The following FOXP1 variants were observed in gnomAD, a reference collection of about 807,000 sequenced individuals.
FOXP1 encodes the protein forkhead box P1, also known as forkhead box protein P1.
A neutral mutation model predicts 98.2 loss-of-function variants in FOXP1; 15 were observed. That is an observed-to-expected ratio of 0.15 (90% CI 0.10 to 0.24). The LOEUF (loss-of-function observed/expected upper bound fraction) is 0.24, where lower values mean the gene tolerates loss of function less well. Ranked by LOEUF, FOXP1 falls within the 10% of genes least tolerant of loss-of-function variation. The pLI is 1.00. For synonymous variants in FOXP1, 371 were observed against 314.5 expected, an observed-to-expected ratio of 1.18 and a Z score of -1.90; for missense variants, 633 against 848.5, an observed-to-expected ratio of 0.75 and a Z score of 3.15.
chr3:71,195,413 C>T (rs1156362074), intron 6 of FOXP1, among the ~76,000 whole-genome samples: 1 of 152,174 alleles, frequency 6.6e-6, no homozygotes, highest in South Asian at 2.1e-4. Flanking sequence ...CTCCCCGTAT[C>T]CTCAATGATG....
chr3:71,458,611 T>C (rs931020130), intron 3 of FOXP1, among the ~76,000 whole-genome samples: 4 of 152,204 alleles, frequency 2.6e-5, no homozygotes, highest in African/African-American at 9.7e-5. Flanking sequence ...TACCTATCCA[T>C]TTAGCAAATA....
At chr3:71,203,209 T>C (rs1056806229) in intron 5 of FOXP1, among the ~76,000 whole-genome samples, 13 of 152,220 alleles carry the variant, frequency 8.5e-5, no homozygotes, top group African/African-American at 3.1e-4. Context: ...CCATTTAATA[T>C]AACCCTACAA....
chr3:71,404,806 T>C (rs1341073656), intron 3 of FOXP1, among the ~76,000 whole-genome samples: 1 of 151,958 alleles, frequency 6.6e-6, no homozygotes, highest in Non-Finnish European at 1.5e-5. Flanking sequence ...CCTCACAAGG[T>C]TTTGAAAAGA....
At chr3:71,230,164 G>C (rs554641491) in intron 5 of FOXP1, among the ~76,000 whole-genome samples, 4 of 152,188 alleles carry the variant, frequency 2.6e-5, no homozygotes, top group Non-Finnish European at 5.9e-5. Context: ...ACAAAACCTT[G>C]CAAAGGCCGC....
chr3:71,576,491 T>G (rs1318661884), intron 2 of FOXP1, among the ~76,000 whole-genome samples: 1 of 152,232 alleles, frequency 6.6e-6, no homozygotes, highest in Non-Finnish European at 1.5e-5. Flanking sequence ...TTACAGGGCT[T>G]GACAGTACTT....
chr3:71,312,771 A>C (rs2074783741), intron 4 of FOXP1, among the ~76,000 whole-genome samples: 1 of 152,202 alleles, frequency 6.6e-6, no homozygotes, highest in African/African-American at 2.4e-5. Flanking sequence ...ATCACACTTG[A>C]GGTCAGGAGT....
intron 12 of FOXP1, among the ~76,000 whole-genome samples, chr3:71,010,282 TTAAGAA>T (rs1052103366): frequency 2.6e-5 from 4 of 152,100 alleles, no homozygotes; most frequent in African/African-American, 9.7e-5. Context: ...AATGCAGCAG[TTAAGAA>T]TAAGTCTTCT....
intron 3 of FOXP1, among the ~76,000 whole-genome samples, chr3:71,428,468 T>C (rs1019113252): frequency 7.2e-5 from 11 of 152,272 alleles, no homozygotes; most frequent in Non-Finnish European, 7.3e-5. Flanking sequence ...TCCAATTGTT[T>C]TGGCAAAACA....
intron 3 of FOXP1, among the ~76,000 whole-genome samples, chr3:71,369,803 A>C (rs556348511): frequency 2.6e-5 from 4 of 152,328 alleles, no homozygotes; most frequent in African/African-American, 9.6e-5. Flanking sequence ...AAAGCATCCA[A>C]GAAACAGCTA....
rs2090331703 is a variant in FOXP1, at chr3:71,482,255, C to A, written c.-168+11171G>T. ...TTTATAGTTTTCCTTAAGCTTCTCA[C>A]ATTTTTATTAATGTCATAATTAGCA... is the stretch of plus-strand genomic sequence containing the variant. On this transcript the variant is annotated intron_variant, in intron 3 of 20. Coordinates refer to ENST00000649528, the MANE Select transcript of FOXP1 (RefSeq NM_001349338.3). Among the ~76,000 whole-genome samples, 3 of 152,144 alleles carry A rather than the reference C, an allele frequency of 2.0e-5. No individual in the cohort carries two copies. The South Asian group carries it at 6.2e-4, about 32-fold the overall frequency.
chr3:71,198,414 T>TG (rs747291362), intron 5 of FOXP1, 22 bp from the exon 6 acceptor site: 5 of 155,200 alleles, frequency 3.2e-5, no homozygotes, highest in Admixed American at 5.8e-5. Flanking sequence ...ATTTCCAAGA[T>TG]GGGGGGAGGG....
chr3:71,187,929 T>G (rs1359016393), intron 6 of FOXP1, among the ~76,000 whole-genome samples: 4 of 152,044 alleles, frequency 2.6e-5, no homozygotes, highest in African/African-American at 9.7e-5. Context: ...TTGTAAAAGG[T>G]TGTTGAGTTT....
chr3:71,442,369 T>A (rs1229919325), intron 3 of FOXP1, among the ~76,000 whole-genome samples: 1 of 149,446 alleles, frequency 6.7e-6, no homozygotes, highest in Non-Finnish European at 1.5e-5. Context: ...GCTGAAGACC[T>A]TAAAAAGCCA....
chr3:71,219,812 C>T (rs919234982), intron 5 of FOXP1, among the ~76,000 whole-genome samples: 6 of 152,194 alleles, frequency 3.9e-5, no homozygotes, highest in African/African-American at 9.7e-5. Context: ...TGCAGTGCTG[C>T]GTGCAGCACA....
chr3:71,174,005 A>G (rs1043370424), intron 6 of FOXP1, among the ~76,000 whole-genome samples: 5 of 152,182 alleles, frequency 3.3e-5, no homozygotes, highest in African/African-American at 4.8e-5. Flanking sequence ...CAGAAAAAAT[A>G]CCCATCTATG....
At chr3:71,211,594 C>T (rs750151970) in intron 5 of FOXP1, among the ~76,000 whole-genome samples, 2 of 152,130 alleles carry the variant, frequency 1.3e-5, no homozygotes, top group Non-Finnish European at 2.9e-5. Context: ...TAAAAAAGTA[C>T]ATTAAGAAGG....
intron 4 of FOXP1, among the ~76,000 whole-genome samples, chr3:71,344,929 C>A (rs1277304162): frequency 6.6e-6 from 1 of 152,080 alleles, no homozygotes; most frequent in Non-Finnish European, 1.5e-5. Flanking sequence ...TTACTTAGTG[C>A]TAAGATCATA....
chr3:71,040,359 A>G (rs1397351872), intron 11 of FOXP1: 1 of 152,178 alleles, frequency 6.6e-6, no homozygotes, highest in East Asian at 1.9e-4. Flanking sequence ...TTACTGTCAC[A>G]TACTACTTTT....
chr3:70,961,382 C>G (rs187825650), intron 20 of FOXP1, among the ~76,000 whole-genome samples: 1 of 152,116 alleles, frequency 6.6e-6, no homozygotes, highest in African/African-American at 2.4e-5. Context: ...AGGGGCCCAC[C>G]ACCACACCTG....
Sources: gnomAD v4.1 joint callset for allele counts (sites outside exome capture counted in the v4.1 genomes callset) on GRCh38, gnomAD v4.1.1 for gene constraint, MANE v1.5 for transcripts, NCBI Gene and HGNC (gene_info 2026-07-23, HGNC 2026-07-21) for gene names.